The following FABP6 variants were observed in gnomAD, a reference collection of about 807,000 sequenced individuals.
The protein encoded by FABP6 is fatty acid binding protein 6.
Under a neutral mutation model 14.9 loss-of-function variants are expected in FABP6, and 13 were observed. That is an observed-to-expected ratio of 0.87 (90% confidence interval 0.57 to 1.39). FABP6 has a LOEUF of 1.39. Among genes scored for constraint, FABP6 ranks in the 40% most tolerant of loss-of-function variants. The pLI, the probability that FABP6 is intolerant of heterozygous loss-of-function variation, is 0.00. For missense variants in FABP6, 161 were observed against 167.2 expected (o/e 0.96, Z 0.20); for synonymous variants, 75 against 63.6 (o/e 1.18, Z -0.85).
intron 1 of FABP6, among the ~76,000 whole-genome samples, chr5:160,230,282 C>T (rs1760348950): frequency 6.6e-6 from 1 of 152,170 alleles, no homozygotes; most frequent in East Asian, 1.9e-4. Context: ...TCCAAAGTCA[C>T]ACAGCTAGTA....
At chr5:160,192,623 G>C (rs556063375) in intron 1 of FABP6, among the ~76,000 whole-genome samples, 17 of 152,366 alleles carry the variant, frequency 1.1e-4, no homozygotes, top group African/African-American at 4.1e-4. Context: ...CTATGCGCCT[G>C]GCACCGTGCT....
chr5:160,234,785 A>G, intron 2 of FABP6, 35 bp from the exon 3 acceptor site: 1 of 1,547,540 alleles, frequency 6.5e-7, no homozygotes, highest in Middle Eastern at 1.7e-4. Flanking sequence ...AATCACCTGC[A>G]ACAACCCAGG....
At chr5:160,201,752 T>G (rs888917) in intron 2 of FABP6, among the ~76,000 whole-genome samples, 1 of 149,284 alleles carries the variant, frequency 6.7e-6, no homozygotes, top group Non-Finnish European at 1.5e-5. Context: ...TTTGAACTCA[T>G]TCATTCATTC....
intron 3 of FABP6, among the ~76,000 whole-genome samples, chr5:160,218,240 A>G (rs540730506): frequency 6.6e-6 from 1 of 152,132 alleles, no homozygotes; most frequent in East Asian, 1.9e-4. Flanking sequence ...CTCACTTAAC[A>G]TTAGTAACAT....
At chr5:160,208,038 T>C (rs1020306396) in intron 2 of FABP6, among the ~76,000 whole-genome samples, 1 of 152,164 alleles carries the variant, frequency 6.6e-6, no homozygotes, top group African/African-American at 2.4e-5. Flanking sequence ...TTATCTTCTT[T>C]AGACTTTTCT....
intron 1 of FABP6, among the ~76,000 whole-genome samples, chr5:160,189,599 A>T (rs186966505): frequency 6.6e-6 from 1 of 152,168 alleles, no homozygotes; most frequent in Admixed American, 6.5e-5. Context: ...GGCTGGGTGC[A>T]GTGGCTCATG....
intron 2 of FABP6, among the ~76,000 whole-genome samples, chr5:160,234,375 T>A (rs1013542282): frequency 2.8e-5 from 3 of 106,700 alleles, no homozygotes; most frequent in Non-Finnish European, 5.5e-5. Flanking sequence ...CTCTAAGAAA[T>A]CTGACTTTTT....
chr5:160,214,624 T>C (rs1580911598), intron 3 of FABP6, among the ~76,000 whole-genome samples: 2 of 151,940 alleles, frequency 1.3e-5, no homozygotes, highest in East Asian at 3.9e-4. Context: ...ATTTCTTGAC[T>C]TGTGACTCAA....
At chr5:160,235,100 C>A (rs765886174) in intron 3 of FABP6, among the ~76,000 whole-genome samples, 191 bp downstream of exon 3, 2 of 152,162 alleles carry the variant, frequency 1.3e-5, no homozygotes, top group African/African-American at 2.4e-5. Flanking sequence ...GGATTTTTAT[C>A]TCCATTTGAG....
chr5:160,233,874 A>G (rs1424028689), intron 2 of FABP6, among the ~76,000 whole-genome samples: 1 of 90,674 alleles, frequency 1.1e-5, no homozygotes, highest in Non-Finnish European at 2.3e-5. Context: ...TCCGTCTCAA[A>G]AAAAGAAAAA....
chr5:160,238,602 T>C lies in FABP6; in HGVS notation c.334-4T>C. 1 of 1,613,834 alleles carries C rather than the reference T, an allele frequency of 6.2e-7. No homozygotes were observed. Among genetic ancestry groups the C allele is most frequent in the Non-Finnish European group, 8.5e-7 (1 of 1,179,762 alleles). ...ACTCCCTCTGTCCCGGCTGCTTCTT[T>C]CAGGTCTCCACCATCGGAGGCGTGA... is the stretch of plus-strand genomic sequence containing the variant. On this transcript the variant is annotated splice_polypyrimidine_tract_variant and splice_region_variant and intron_variant, in intron 3 of 3. Transcript: ENST00000402432.
chr5:160,204,312 C>T (rs1224807108), intron 2 of FABP6, among the ~76,000 whole-genome samples: 1 of 151,830 alleles, frequency 6.6e-6, no homozygotes, highest in South Asian at 2.1e-4. Flanking sequence ...GTGAGACTCC[C>T]CATCTCTAAT....
chr5:160,229,305 C>A, upstream of FABP6: 3 of 682,812 alleles, frequency 4.4e-6, no homozygotes, highest in Non-Finnish European at 6.6e-6. Context: ...AACCCGTTGC[C>A]ATCCTGACCC....
chr5:160,220,535 T>G (rs974933087), intron 3 of FABP6, among the ~76,000 whole-genome samples: 3 of 151,742 alleles, frequency 2.0e-5, no homozygotes, highest in African/African-American at 7.3e-5. Flanking sequence ...CTTGAGCCTG[T>G]GAGGCTGAGG....
upstream of FABP6, among the ~76,000 whole-genome samples, chr5:160,227,276 T>A (rs970554194): frequency 1.3e-5 from 2 of 152,184 alleles, no homozygotes; most frequent in African/African-American, 4.8e-5. Flanking sequence ...GGCTCAGGCC[T>A]CTAATCTCAG....
rs191928950 is a variant in FABP6 at position 160,208,870 on chromosome 5, G to A, written c.52-4866G>A. On this transcript the variant is annotated intron_variant, in intron 2 of 6. Coordinates refer to the FABP6 transcript ENST00000393980. ...CGGCTCACTGCAACCTCTGCCTCCC[G>A]GATTCAAGCAATTCTCCTGCCTCAG... Among the ~76,000 whole-genome samples, 1,108 of 150,426 alleles carry A rather than the reference G, an allele frequency of 7.4e-3. 5 individuals are homozygous for A. The highest frequency in any genetic ancestry group is 0.014 in the Middle Eastern group (4 of 292).
rs67908380 is a variant in FABP6, at chr5:160,204,138, CAA to C, written c.51+4999_51+5000del. Among the ~76,000 whole-genome samples, 404 of 119,204 alleles carry C rather than the reference CAA, an allele frequency of 3.4e-3. 2 individuals carry two copies. Among genetic ancestry groups the C allele is most frequent in the African/African-American group, 9.3e-3 (299 of 32,124 alleles). 78.2% of individuals were successfully genotyped at this position (119,204 alleles called of 152,430 possible). On this transcript the variant is annotated intron_variant, in intron 2 of 6. Transcript: ENST00000393980. ...TAGGCAATAGAGTGAGACTCCATCT[CAA>C]AAAAAAAAAAAAAAAAATACCCACA...
At chr5:160,220,945 G>A (rs978273823) in intron 3 of FABP6, among the ~76,000 whole-genome samples, 91 of 151,904 alleles carry the variant, frequency 6.0e-4, no homozygotes, top group African/African-American at 1.8e-3. Flanking sequence ...AAAATTAGCC[G>A]GGCGTGGTCT....
intron 2 of FABP6, among the ~76,000 whole-genome samples, chr5:160,202,538 C>T (rs184784732): frequency 1.6e-3 from 245 of 152,020 alleles, no homozygotes; most frequent in African/African-American, 5.3e-3. Flanking sequence ...GGCTCACGCC[C>T]GTAATCCCAG....
Sources: allele counts gnomAD v4.1 joint callset (sites outside exome capture counted in the v4.1 genomes callset), GRCh38; gene constraint gnomAD v4.1.1; transcripts MANE v1.5; gene names NCBI Gene and HGNC (gene_info 2026-07-23, HGNC 2026-07-21).